The following TRPM3 variants were observed in gnomAD, a reference collection of about 807,000 sequenced individuals.
TRPM3 encodes the protein long transient receptor potential channel 3.
A neutral mutation model predicts 181.2 loss-of-function variants in TRPM3; 77 were observed. The ratio of observed to expected loss-of-function variants is 0.42; its 90% CI spans 0.35 to 0.51. The LOEUF is 0.51. Ranked by LOEUF, TRPM3 falls within the 20% of genes least tolerant of loss-of-function variation. The pLI is 0.01. For synonymous variants in TRPM3, 745 were observed against 796.4 expected, an observed-to-expected ratio of 0.94 and a Z score of 1.09; for missense variants, 1,759 against 2,196.7, an observed-to-expected ratio of 0.80 and a Z score of 3.98.
intron 1 of TRPM3, among the ~76,000 whole-genome samples, chr9:71,370,084 C>T (rs2092462802): frequency 1.3e-5 from 2 of 152,100 alleles, no homozygotes; most frequent in South Asian, 4.1e-4. Flanking sequence ...TTGATAAATT[C>T]GTGTGTTCTG....
At chr9:70,820,523 C>T (rs527881738) in intron 6 of TRPM3, among the ~76,000 whole-genome samples, 1 of 152,184 alleles carries the variant, frequency 6.6e-6, no homozygotes, top group Non-Finnish European at 1.5e-5. Context: ...GCCATTGCGC[C>T]GAGCCTGTTA....
intron 1 of TRPM3, among the ~76,000 whole-genome samples, chr9:71,258,059 A>G (rs2082783751): frequency 6.6e-6 from 1 of 152,226 alleles, no homozygotes; most frequent in Non-Finnish European, 1.5e-5. Flanking sequence ...CCAGGATTTT[A>G]TATTTTCTAA....
chr9:70,585,037 C>T (rs1360038072), intron 22 of TRPM3, among the ~76,000 whole-genome samples: 2 of 152,176 alleles, frequency 1.3e-5, no homozygotes, highest in African/African-American at 4.8e-5. Flanking sequence ...TATAAGACAT[C>T]ACTCTTCTCA....
At chr9:71,119,386 A>G (rs1462048018) in intron 1 of TRPM3, among the ~76,000 whole-genome samples, 1 of 152,136 alleles carries the variant, frequency 6.6e-6, no homozygotes, top group Admixed American at 6.5e-5. Flanking sequence ...CTGTAGCATT[A>G]ACAATGTCTC....
intron 19 of TRPM3, among the ~76,000 whole-genome samples, chr9:70,607,827 G>T (rs950928063): frequency 2.6e-5 from 4 of 152,138 alleles, no homozygotes; most frequent in African/African-American, 4.8e-5. Context: ...TGGCCAACTG[G>T]TTAACTTTTA....
chr9:71,207,905 A>C (rs1189305277), intron 1 of TRPM3, among the ~76,000 whole-genome samples: 1 of 152,122 alleles, frequency 6.6e-6, no homozygotes, highest in Non-Finnish European at 1.5e-5. Context: ...TAACTGCTCC[A>C]AATTATGCTG....
intron 6 of TRPM3, among the ~76,000 whole-genome samples, chr9:70,810,585 A>G (rs1045213154): frequency 6.6e-6 from 1 of 152,060 alleles, no homozygotes. Flanking sequence ...TCAATGCTCA[A>G]CCTATATTTG....
intron 1 of TRPM3, among the ~76,000 whole-genome samples, chr9:71,417,650 GA>G (rs2093656767): frequency 6.6e-6 from 1 of 151,918 alleles, no homozygotes; most frequent in African/African-American, 2.4e-5. Flanking sequence ...ACATATCTGA[GA>G]AAGGTATGAA....
intron 1 of TRPM3, among the ~76,000 whole-genome samples, chr9:71,317,952 A>G (rs1331177315): frequency 6.6e-6 from 1 of 152,148 alleles, no homozygotes; most frequent in Non-Finnish European, 1.5e-5. Flanking sequence ...GGGCTTCAAC[A>G]TTTAAAATAG....
chr9:70,850,415 TATAAA>T lies in TRPM3; in HGVS notation c.463-3829_463-3825del, dbSNP rs144711670. 9.9e-3 allele frequency among the ~76,000 whole-genome samples: 1,514 copies of T among 152,294 alleles called. 29 individuals are homozygous for T. Among genetic ancestry groups the T allele is most frequent in the African/African-American group, 0.035 (1,446 of 41,558 alleles). ...TAAGAGACATATTTATAATGAATGCTATAAAATAAAAGAATAAAGAAAAGAATAAA... is the reference window on the plus strand; with the variant it reads ...TAAGAGACATATTTATAATGAATGCTATAAAAGAATAAAGAAAAGAATAAA... On this transcript the variant is annotated intron_variant, in intron 3 of 25. Coordinates refer to ENST00000677713, the MANE Select transcript of TRPM3 (RefSeq NM_001366145.2).
At chr9:71,211,173 G>A (rs1047580360) in intron 1 of TRPM3, among the ~76,000 whole-genome samples, 3 of 152,146 alleles carry the variant, frequency 2.0e-5, no homozygotes, top group Admixed American at 6.5e-5. Flanking sequence ...GTACATTCAA[G>A]CTAGTCACTG....
chr9:70,701,729 C>G (rs1017465204), intron 8 of TRPM3, among the ~76,000 whole-genome samples: 1 of 152,140 alleles, frequency 6.6e-6, no homozygotes, highest in Non-Finnish European at 1.5e-5. Context: ...TTGAACATAT[C>G]TAGATTCTTA....
chr9:71,227,809 A>G (rs1185713718), intron 1 of TRPM3, among the ~76,000 whole-genome samples: 1 of 152,198 alleles, frequency 6.6e-6, no homozygotes, highest in Non-Finnish European at 1.5e-5. Context: ...GCCTGAATAG[A>G]CCAGTGACAA....
intron 1 of TRPM3, among the ~76,000 whole-genome samples, chr9:71,420,713 A>AAGAGAGAAAG (rs1565556861): frequency 4.9e-5 from 1 of 20,598 alleles, no homozygotes. Flanking sequence ...GAGAGAAAGA[A>AAGAGAGAAAG]AGAGAGAAAG....
chr9:70,765,178 C>T (rs926550111), intron 7 of TRPM3, among the ~76,000 whole-genome samples: 9 of 152,154 alleles, frequency 5.9e-5, no homozygotes, highest in African/African-American at 2.2e-4. Flanking sequence ...AGCCTTGCCC[C>T]ATGGTGTTGC....
At chr9:71,094,852 G>C (rs1421164690) in intron 1 of TRPM3, among the ~76,000 whole-genome samples, 1 of 152,048 alleles carries the variant, frequency 6.6e-6, no homozygotes, top group Non-Finnish European at 1.5e-5. Flanking sequence ...CATCCTCTAT[G>C]ATCACAGAAT....
At chr9:70,958,313 TATA>T (rs1191346420) in intron 1 of TRPM3, among the ~76,000 whole-genome samples, 2 of 148,812 alleles carry the variant, frequency 1.3e-5, no homozygotes, top group Non-Finnish European at 3.0e-5. Flanking sequence ...TAATAATGAT[TATA>T]ATAATAATAC....
intron 8 of TRPM3, among the ~76,000 whole-genome samples, chr9:70,698,892 G>A (rs1049223340): frequency 3.9e-5 from 6 of 152,150 alleles, no homozygotes; most frequent in African/African-American, 1.4e-4. Context: ...GGCCTCCCCA[G>A]AAGCAGATGC....
At chr9:71,195,308 G>GA (rs985438050) in intron 1 of TRPM3, among the ~76,000 whole-genome samples, 28 of 151,946 alleles carry the variant, frequency 1.8e-4, no homozygotes, top group African/African-American at 4.3e-4. Context: ...AAATTTACAA[G>GA]AAAAAAACAT....
Sources: gnomAD v4.1 joint callset for allele counts (sites outside exome capture counted in the v4.1 genomes callset) on GRCh38, gnomAD v4.1.1 for gene constraint, MANE v1.5 for transcripts, NCBI Gene and HGNC (gene_info 2026-07-23, HGNC 2026-07-21) for gene names.